NSD3: variants seen among roughly 807,000 people sequenced by gnomAD.
NSD3 encodes the protein nuclear receptor binding SET domain protein 3, also known as histone-lysine N-methyltransferase NSD3.
Under a neutral mutation model 160.8 loss-of-function variants are expected in NSD3, and 24 were observed. That is an observed-to-expected ratio of 0.15 (90% CI 0.11 to 0.21). NSD3 has a LOEUF of 0.21. NSD3 is among the 10% of genes least tolerant of loss of function. NSD3 has a pLI of 1.00. For missense variants in NSD3, 1,157 were observed against 1,735.9 expected, an observed-to-expected ratio of 0.67 and a Z score of 5.93; for synonymous variants, 520 against 600.0, an observed-to-expected ratio of 0.87 and a Z score of 1.95.
At chr8:38,281,824 G>A (rs746002845) in intron 19 of NSD3, among the ~76,000 whole-genome samples, 11 of 152,162 alleles carry the variant, frequency 7.2e-5, no homozygotes, top group Non-Finnish European at 1.5e-4. Context: ...TAGTCCAAGT[G>A]ACAACATGTG....
chr8:38,349,665 T>TTATATATATATATATA (rs71519992), intron 1 of NSD3, among the ~76,000 whole-genome samples: 78 of 109,746 alleles, frequency 7.1e-4, no homozygotes, highest in Middle Eastern at 4.9e-3. Context: ...ATTTCTTTCT[T>TTATATATATATATATA]TATATATATA....
At chr8:38,309,372 G>A (rs1400538890) in intron 12 of NSD3, among the ~76,000 whole-genome samples, 1 of 152,114 alleles carries the variant, frequency 6.6e-6, no homozygotes, top group Non-Finnish European at 1.5e-5. Flanking sequence ...GGAGGCTGAG[G>A]CACAAGAATC....
intron 16 of NSD3, among the ~76,000 whole-genome samples, chr8:38,290,906 A>G (rs573781513): frequency 6.6e-6 from 1 of 152,306 alleles, no homozygotes; most frequent in Non-Finnish European, 1.5e-5. Flanking sequence ...AAAATATTTC[A>G]TATTTATAAA....
chr8:38,291,442 T>A lies in NSD3; in HGVS notation c.2916-765A>T, dbSNP rs149435733. On this transcript the variant is annotated intron_variant, in intron 16 of 23. Transcript: ENST00000317025. ...GTAGTAAATATACATAGACTTAAAT[T>A]TTTTGAATCTCTTATTTTACATATG... Among the ~76,000 whole-genome samples the A allele has an allele frequency of 4.6e-4, 70 of 152,306 alleles. No individual in the cohort carries two copies. The East Asian group carries it at 0.013, about 28-fold the overall frequency.
intron 16 of NSD3, among the ~76,000 whole-genome samples, chr8:38,293,953 A>G (rs1028213856): frequency 1.0e-4 from 15 of 145,772 alleles, no homozygotes; most frequent in South Asian, 2.2e-4. Context: ...AAAAAAAAAA[A>G]AGAGAAATAT....
intron 12 of NSD3, among the ~76,000 whole-genome samples, chr8:38,310,998 T>C (rs1290437388): frequency 6.7e-6 from 1 of 149,000 alleles, no homozygotes; most frequent in African/African-American, 2.5e-5. Context: ...TTCTTTTTTC[T>C]TTTTTTTTTG....
chr8:38,337,557 T>C (rs936245967), intron 3 of NSD3, 90 bp from the exon 4 acceptor site: 1 of 1,183,988 alleles, frequency 8.4e-7, no homozygotes, highest in Non-Finnish European at 1.1e-6. Flanking sequence ...TGTAATTTTA[T>C]CTTCAGTTAT....
chr8:38,320,945 G>A (rs1346954004), intron 8 of NSD3, 127 bp downstream of exon 8: 2 of 799,000 alleles, frequency 2.5e-6, no homozygotes, highest in Non-Finnish European at 4.0e-6. Context: ...CACCAGGACA[G>A]AAGCGTTAAG....
chr8:38,351,538 C>T (rs1219908094), intron 1 of NSD3, among the ~76,000 whole-genome samples: 1 of 151,660 alleles, frequency 6.6e-6, no homozygotes, highest in Non-Finnish European at 1.5e-5. Context: ...TGGCAAGTGC[C>T]TGTAATCCCA....
intron 12 of NSD3, among the ~76,000 whole-genome samples, chr8:38,308,417 T>C (rs1037439994): frequency 6.6e-6 from 1 of 152,092 alleles, no homozygotes; most frequent in Non-Finnish European, 1.5e-5. Flanking sequence ...TAATTATATA[T>C]TTTAAAATAA....
intron 1 of NSD3, among the ~76,000 whole-genome samples, chr8:38,374,857 A>T (rs1202674266): frequency 6.6e-6 from 1 of 152,038 alleles, no homozygotes; most frequent in Non-Finnish European, 1.5e-5. Flanking sequence ...ACAAAAAATT[A>T]GCCGGGCGTG....
At position 38,316,899 on chromosome 8, in the gene NSD3, T is replaced by C. The variant is rs923159519; in HGVS notation, c.1856-857A>G. On this transcript the variant is annotated intron_variant, in intron 9 of 23. Transcript: ENST00000317025. This position sits in a 1 kb window ranked among gnomAD's most constrained non-coding sequence, Gnocchi z 4.5. ...AACAATCTCTTGGGCTAATGCAGTA[T>C]AGGCTATACAGAAACAGCCACGATG... 5 of 1,062,978 alleles carry C rather than the reference T, an allele frequency of 4.7e-6. No homozygotes were observed. The Admixed American group carries it at 2.1e-4, about 46-fold the overall frequency. The allele number at this position is 1,062,978 out of a possible 1,614,324, so 65.8% of individuals were successfully genotyped here.
In NSD3 at chr8:38,317,054, G is replaced by A; in HGVS notation, c.1856-1012C>T. 1.9e-6 allele frequency: 2 copies of A among 1,060,062 alleles called. No homozygotes were observed. The highest frequency in any genetic ancestry group is 4.2e-4 in the Middle Eastern group (1 of 2,362). 65.7% of individuals were successfully genotyped at this position (1,060,062 alleles called of 1,614,324 possible). On this transcript the variant is annotated intron_variant, in intron 9 of 23. Transcript: ENST00000317025. This position sits in a 1 kb window ranked among gnomAD's most constrained non-coding sequence, Gnocchi z 5.3. Reference sequence around the variant, plus strand: ...ACAAACAGACATCTAGATCAACCCAGCAAGCTATGGTGGAAGTGTGCAGTC... The same window carrying A: ...ACAAACAGACATCTAGATCAACCCAACAAGCTATGGTGGAAGTGTGCAGTC...
chr8:38,314,020 T>C (rs1438541595), intron 12 of NSD3, among the ~76,000 whole-genome samples: 2 of 152,112 alleles, frequency 1.3e-5, no homozygotes, highest in Non-Finnish European at 2.9e-5. Flanking sequence ...CATCAACATG[T>C]TTCCTAGAAG....
intron 1 of NSD3, among the ~76,000 whole-genome samples, chr8:38,364,272 G>A (rs554984274): frequency 1.1e-4 from 13 of 117,260 alleles, no homozygotes; most frequent in African/African-American, 3.5e-4. Flanking sequence ...GCAAGACTCC[G>A]TCTCAAACAA....
Position 38,278,632 on chromosome 8 carries a change from G to T in NSD3, c.3761-220C>A, listed in dbSNP as rs74734964. 2.7e-3 allele frequency among the ~76,000 whole-genome samples: 405 copies of T among 152,326 alleles called. 2 individuals are homozygous for T. The highest frequency in any genetic ancestry group is 9.3e-3 in the African/African-American group (387 of 41,574). ...ACAGCAAAACTACACATCCTCAAAA[G>T]AAGTCATGTCCTTTTCACAGCAGTG... On this transcript the variant is annotated intron_variant, in intron 21 of 23. Transcript: ENST00000317025.
At position 38,372,638 on chromosome 8, in the gene NSD3, A is replaced by T. The variant is rs189970608; in HGVS notation, c.-45+9161T>A. Among the ~76,000 whole-genome samples the T allele has an allele frequency of 3.8e-3, 580 of 151,154 alleles. 8 individuals carry two copies. The highest frequency in any genetic ancestry group is 4.0e-3 in the Non-Finnish European group (268 of 67,786). On this transcript the variant is annotated intron_variant, in intron 1 of 23. Coordinates refer to ENST00000317025, the MANE Select transcript of NSD3 (RefSeq NM_023034.2). Reference sequence around the variant, plus strand: ...CAGCCTCCTGAGTAGCTGGTATTACAGGCGCCTGCCACCACGCCTGGCTAA... The same window carrying T: ...CAGCCTCCTGAGTAGCTGGTATTACTGGCGCCTGCCACCACGCCTGGCTAA...
intron 12 of NSD3, among the ~76,000 whole-genome samples, chr8:38,309,298 G>A (rs927304628): frequency 6.6e-6 from 1 of 151,926 alleles, no homozygotes; most frequent in Non-Finnish European, 1.5e-5. Context: ...CAAAACCCTG[G>A]CTCTACTAAA....
chr8:38,363,403 G>C (rs1811032685), intron 1 of NSD3, among the ~76,000 whole-genome samples: 1 of 152,014 alleles, frequency 6.6e-6, no homozygotes, highest in Admixed American at 6.6e-5. Context: ...CAGCACTTTG[G>C]GAGGCAGAGG....
Sources: allele counts gnomAD v4.1 joint callset (sites outside exome capture counted in the v4.1 genomes callset), GRCh38; gene constraint gnomAD v4.1.1; non-coding constraint Gnocchi (gnomAD v3.1); transcripts MANE v1.5; gene names NCBI Gene and HGNC (gene_info 2026-07-23, HGNC 2026-07-21).